Variants in NNMT observed in about 807,000 individuals in gnomAD.
The protein encoded by NNMT is nicotinamide N-methyltransferase.
A neutral mutation model predicts 11.7 loss-of-function variants in NNMT; 10 were observed. The observed-to-expected ratio is 0.85, with a 90% confidence interval of 0.53 to 1.45. The LOEUF is 1.45. Among genes scored for constraint, NNMT ranks in the 40% most tolerant of loss-of-function variants. NNMT has a pLI of 0.00. For missense variants in NNMT, 381 were observed against 319.4 expected (o/e 1.19, Z -1.47); for synonymous variants, 143 against 133.8 (o/e 1.07, Z -0.48).
upstream of NNMT, chr11:114,296,204 T>C (rs1945375366): frequency 1.1e-5 from 2 of 184,730 alleles, no homozygotes. Context: ...CATTAAATAA[T>C]TTTCCTGACG....
At chr11:114,261,808 C>A (rs912430905) in intron 1 of NNMT, among the ~76,000 whole-genome samples, 5 of 152,158 alleles carry the variant, frequency 3.3e-5, no homozygotes, top group Admixed American at 1.3e-4. Flanking sequence ...CTCCCATCCA[C>A]CAACTGGCCA....
At chr11:114,304,699 G>A (rs1945472737) in intron 2 of NNMT, among the ~76,000 whole-genome samples, 1 of 152,086 alleles carries the variant, frequency 6.6e-6, no homozygotes, top group Admixed American at 6.6e-5. Context: ...TAAATTAGCT[G>A]GCCATAGTGG....
At chr11:114,264,165 A>G (rs1945103457) in intron 2 of NNMT, among the ~76,000 whole-genome samples, 1 of 151,388 alleles carries the variant, frequency 6.6e-6, no homozygotes, top group African/African-American at 2.4e-5. Context: ...CTCTCTTCCT[A>G]ATTATTCACA....
intron 2 of NNMT, among the ~76,000 whole-genome samples, chr11:114,302,150 T>C (rs775960068): frequency 5.9e-5 from 9 of 152,202 alleles, no homozygotes; most frequent in Non-Finnish European, 1.0e-4. Context: ...ACATTTAATG[T>C]AATTACTAAT....
chr11:114,263,455 C>T (rs989140475), intron 2 of NNMT, among the ~76,000 whole-genome samples: 10 of 152,224 alleles, frequency 6.6e-5, no homozygotes, highest in Non-Finnish European at 1.2e-4. Flanking sequence ...GCTGAGCTCT[C>T]TCCTACCAGG....
chr11:114,297,983 G>T lies in NNMT; in HGVS notation c.187G>T (p.Gly63Cys). The change falls in exon 2 of 3, where the codon GGC (glycine) becomes TGC (cysteine). Residue 63 changes from glycine (G) to cysteine (C), a missense_variant. Gly to Cys is a radical substitution (Grantham distance 159). Transcript: ENST00000299964. ...GAAGGGAGACCTGCTGATTGACATCGGCTCTGGCCCCACTATCTATCAGCT... is the reference window on the plus strand; with the variant it reads ...GAAGGGAGACCTGCTGATTGACATCTGCTCTGGCCCCACTATCTATCAGCT... ...GVKGDLLIDI[G>C]SGPTIYQLLS... 2 of 1,613,232 alleles carry T rather than the reference G, an allele frequency of 1.2e-6. No homozygotes were observed. Among genetic ancestry groups the T allele is most frequent in the Non-Finnish European group, 1.7e-6 (2 of 1,179,990 alleles).
intron 2 of NNMT, among the ~76,000 whole-genome samples, chr11:114,268,452 AACCAAGCTTATGATTGCTTAAAAAT>A (rs1565718795): frequency 6.6e-6 from 1 of 152,166 alleles, no homozygotes; most frequent in South Asian, 2.1e-4. Context: ...CCAGCCATGC[AACCAAGCTTATGATTGCTTAAAAAT>A]ATACTACAAC....
chr11:114,274,152 A>G (rs1168035138), intron 2 of NNMT, among the ~76,000 whole-genome samples: 1 of 152,178 alleles, frequency 6.6e-6, no homozygotes, highest in Non-Finnish European at 1.5e-5. Context: ...TGCATTCCCA[A>G]GTGGTTGACT....
At chr11:114,307,203 T>G (rs1369647706) in intron 2 of NNMT, among the ~76,000 whole-genome samples, 3 of 152,180 alleles carry the variant, frequency 2.0e-5, no homozygotes, top group Non-Finnish European at 4.4e-5. Flanking sequence ...ACATTTCTAC[T>G]CACAGGTCTC....
intron 2 of NNMT, among the ~76,000 whole-genome samples, chr11:114,264,244 A>G (rs1945103879): frequency 6.6e-6 from 1 of 151,784 alleles, no homozygotes; most frequent in African/African-American, 2.4e-5. Flanking sequence ...GCTTCCACCC[A>G]TATTTCTCTC....
chr11:114,271,384 C>G (rs777359664), intron 2 of NNMT, among the ~76,000 whole-genome samples: 2 of 152,108 alleles, frequency 1.3e-5, no homozygotes, highest in African/African-American at 2.4e-5. Context: ...TACCACCCAC[C>G]CCAACCCCAG....
chr11:114,264,154 C>A lies in NNMT; in HGVS notation c.-130+1220C>A, dbSNP rs538021182. 3.3e-5 allele frequency among the ~76,000 whole-genome samples: 5 copies of A among 151,944 alleles called. No homozygotes were observed. The East Asian group carries it at 9.7e-4, about 30-fold the overall frequency. On this transcript the variant is annotated intron_variant, in intron 2 of 4. Transcript: ENST00000535401. The stretch of plus-strand genomic sequence containing the variant: ...CTTCTGTTTGCTACATCCATTTCCC[C>A]CTCTCTTCCTAATTATTCACATCAG...
intron 1 of NNMT, among the ~76,000 whole-genome samples, chr11:114,262,340 C>G (rs1046148638): frequency 6.6e-6 from 1 of 152,158 alleles, no homozygotes; most frequent in African/African-American, 2.4e-5. Context: ...GCTATTCTTC[C>G]TCATGCTCTC....
At chr11:114,291,661 C>T (rs950291203), upstream of NNMT, among the ~76,000 whole-genome samples, 13 of 152,058 alleles carry the variant, frequency 8.5e-5, no homozygotes, top group East Asian at 1.9e-4. Context: ...CCAGCATTCC[C>T]GCAGCAGCTG....
chr11:114,260,220 G>A (rs566955018), intron 1 of NNMT, among the ~76,000 whole-genome samples: 1 of 152,188 alleles, frequency 6.6e-6, no homozygotes, highest in Non-Finnish European at 1.5e-5. Context: ...TAGCTGGTAG[G>A]TGGTATCTCA....
At chr11:114,300,587 T>C (rs991932823) in intron 2 of NNMT, among the ~76,000 whole-genome samples, 10 of 74,792 alleles carry the variant, frequency 1.3e-4, no homozygotes, top group African/African-American at 4.3e-4. Context: ...GACGTTTTGT[T>C]TACTTTCTCT....
chr11:114,267,652 G>A (rs943774169), intron 2 of NNMT, among the ~76,000 whole-genome samples: 1 of 152,082 alleles, frequency 6.6e-6, no homozygotes, highest in Non-Finnish European at 1.5e-5. Context: ...TGCCACACTT[G>A]CTTCACCTAT....
At chr11:114,262,733 T>C (rs1214216990) in intron 1 of NNMT, 5 of 152,210 alleles carry the variant, frequency 3.3e-5, no homozygotes, top group African/African-American at 1.2e-4. Context: ...AGGACTCTAC[T>C]ATAGAGCCAA....
chr11:114,286,450 C>G (rs914255401), intron 2 of NNMT, among the ~76,000 whole-genome samples: 5 of 152,172 alleles, frequency 3.3e-5, no homozygotes, highest in African/African-American at 1.2e-4. Flanking sequence ...ACTATCCTGG[C>G]ATCTAATGAA....
Sources: allele counts gnomAD v4.1 joint callset (sites outside exome capture counted in the v4.1 genomes callset), GRCh38; gene constraint gnomAD v4.1.1; transcripts MANE v1.5; gene names NCBI Gene and HGNC (gene_info 2026-07-23, HGNC 2026-07-21).